Variants in NR5A2 observed in about 807,000 individuals in gnomAD.
NR5A2 encodes the protein CYP7A promoter-binding factor.
In NR5A2, 26 loss-of-function variants were observed where a neutral mutation model predicts 62.7. That is an observed-to-expected ratio of 0.41 (90% CI 0.30 to 0.58). NR5A2 has a LOEUF of 0.58. NR5A2 is among the 20% of genes least tolerant of loss of function. The pLI, the probability that NR5A2 is intolerant of heterozygous loss-of-function variation, is 0.22. For synonymous variants in NR5A2, 246 were observed against 241.7 expected (o/e 1.02, Z -0.16); for missense variants, 541 against 669.1 (o/e 0.81, Z 2.11).
chr1:200,099,412 G>C (rs921190914), intron 5 of NR5A2, among the ~76,000 whole-genome samples: 27 of 151,586 alleles, frequency 1.8e-4, no homozygotes, highest in African/African-American at 6.3e-4. Context: ...GACCTCAAGG[G>C]AGCCACGGAG....
intron 7 of NR5A2, among the ~76,000 whole-genome samples, chr1:200,122,393 A>G (rs1437441065): frequency 6.6e-6 from 1 of 152,230 alleles, no homozygotes; most frequent in South Asian, 2.1e-4. Flanking sequence ...GAAACTGTAT[A>G]GCATCTTAGT....
chr1:200,028,439 A>C (rs1194646710), intron 1 of NR5A2, among the ~76,000 whole-genome samples: 1 of 135,742 alleles, frequency 7.4e-6, no homozygotes, highest in East Asian at 1.9e-4. Context: ...AAAAAAAAAA[A>C]AAAACCAAAA....
intron 1 of NR5A2, among the ~76,000 whole-genome samples, chr1:200,028,659 T>A (rs761264060): frequency 3.3e-5 from 5 of 152,176 alleles, no homozygotes; most frequent in Non-Finnish European, 7.4e-5. Context: ...GATCTGTAAT[T>A]ATTTGTCTGT....
At chr1:200,108,774 CAGAG>C in intron 5 of NR5A2, among the ~76,000 whole-genome samples, 1 of 152,198 alleles carries the variant, frequency 6.6e-6, no homozygotes, top group Middle Eastern at 3.4e-3. Flanking sequence ...TAATAAAACC[CAGAG>C]AGAGCAAAGT....
At chr1:200,047,339 T>C (rs1379109854) in intron 4 of NR5A2, among the ~76,000 whole-genome samples, 2 of 152,220 alleles carry the variant, frequency 1.3e-5, no homozygotes, top group African/African-American at 4.8e-5. Flanking sequence ...GAACATGATT[T>C]TCCAAGAACA....
At chr1:200,082,853 G>A (rs2821314) in intron 5 of NR5A2, among the ~76,000 whole-genome samples, 76,038 of 151,598 alleles carry the variant, frequency 0.5, 19,109 homozygotes, top group African/African-American at 0.55. Context: ...ATATTTATTA[G>A]TGTTTTTAAC....
chr1:200,039,927 A>G lies in NR5A2; in HGVS notation c.202+132A>G, dbSNP rs1054154353. 23 of 970,944 alleles carry G rather than the reference A, an allele frequency of 2.4e-5. No homozygotes were observed. The highest frequency in any genetic ancestry group is 3.2e-5 in the Non-Finnish European group (22 of 694,004). 60.1% of individuals were successfully genotyped at this position (970,944 alleles called of 1,614,324 possible). A position where few individuals can be genotyped will look rare whatever the true frequency, so the allele number is the denominator to read the frequency against. On this transcript the variant is annotated intron_variant, in intron 2 of 7. Transcript: ENST00000367362. The surrounding 1 kb of genome is among the most constrained non-coding windows in gnomAD (Gnocchi z 5.1). ...TGGGCGCTCGCAGCCGCGGGAGTCA[A>G]GCCCCCTCCCCAGGTGCAGGCATAA...
At chr1:200,080,112 C>G (rs1411522226) in intron 5 of NR5A2, among the ~76,000 whole-genome samples, 1 of 152,118 alleles carries the variant, frequency 6.6e-6, no homozygotes, top group Non-Finnish European at 1.5e-5. Flanking sequence ...AGAAGGAGAA[C>G]AGACAGTTGG....
At chr1:200,135,377 C>T (rs898935038) in intron 7 of NR5A2, among the ~76,000 whole-genome samples, 5 of 151,988 alleles carry the variant, frequency 3.3e-5, no homozygotes, top group Admixed American at 6.6e-5. Flanking sequence ...AAAAATTAGC[C>T]GGGTGTGGTG....
chr1:200,103,320 T>G (rs1200370393), intron 5 of NR5A2, among the ~76,000 whole-genome samples: 2 of 152,064 alleles, frequency 1.3e-5, no homozygotes, highest in Non-Finnish European at 2.9e-5. Context: ...AGAGGGGATT[T>G]CACCATGTTG....
chr1:200,106,208 C>A (rs370008462), intron 5 of NR5A2, among the ~76,000 whole-genome samples: 1 of 152,188 alleles, frequency 6.6e-6, no homozygotes, highest in South Asian at 2.1e-4. Flanking sequence ...CAGGCACCCG[C>A]CACCATGCCC....
intron 7 of NR5A2, among the ~76,000 whole-genome samples, chr1:200,164,016 G>T (rs1476380074): frequency 6.6e-6 from 1 of 151,966 alleles, no homozygotes; most frequent in Non-Finnish European, 1.5e-5. Context: ...GCCTGGTGTT[G>T]TCTTGGTGAT....
intron 5 of NR5A2, among the ~76,000 whole-genome samples, chr1:200,100,641 T>C (rs781716581): frequency 2.0e-5 from 3 of 152,222 alleles, no homozygotes; most frequent in Non-Finnish European, 4.4e-5. Flanking sequence ...TGGCTCTTCT[T>C]AACATTGCCA....
chr1:200,164,241 TTTTC>T (rs1653789278), intron 7 of NR5A2, among the ~76,000 whole-genome samples: 2 of 152,166 alleles, frequency 1.3e-5, no homozygotes, highest in South Asian at 4.1e-4. Context: ...ATTAAACCTC[TTTTC>T]TTTATAAATT....
chr1:200,130,403 A>G (rs1666923144), intron 7 of NR5A2, among the ~76,000 whole-genome samples: 2 of 151,800 alleles, frequency 1.3e-5, no homozygotes, highest in African/African-American at 4.8e-5. Flanking sequence ...CGATTCATTC[A>G]CTGTAAGTCA....
In NR5A2 at chr1:200,043,082, G is replaced by A. The variant is rs1662193801; in HGVS notation, c.203-692G>A. On this transcript the variant is annotated intron_variant, in intron 2 of 7. Transcript: ENST00000367362. ...ACTCTTCTGGTATTTTTCCCCGTAC[G>A]GGCGTCCTCTATTTTCTTTTTCCTT... 5 of 811,832 alleles carry A rather than the reference G, an allele frequency of 6.2e-6. 1 individual carries two copies. Among genetic ancestry groups the A allele is most frequent in the South Asian group, 1.1e-4 (2 of 17,786 alleles). The allele number at this position is 811,832 out of a possible 1,614,324, so 50.3% of individuals were successfully genotyped here. A position where few individuals can be genotyped will look rare whatever the true frequency, so the allele number is the denominator to read the frequency against.
rs1662458231 is a variant in NR5A2 at position 200,048,107 on chromosome 1, A to T, written c.464-65A>T. Reference sequence around the variant, plus strand: ...TCGATTTACATTTCTAAATATCTGAAGAATGCTAATAATTTGCACCTTATT... The same window carrying T: ...TCGATTTACATTTCTAAATATCTGATGAATGCTAATAATTTGCACCTTATT... On this transcript the variant is annotated intron_variant, in intron 4 of 7. Transcript: ENST00000367362. The surrounding 1 kb of genome is among the most constrained non-coding windows in gnomAD (Gnocchi z 4.8). 2 of 1,389,016 alleles carry T rather than the reference A, an allele frequency of 1.4e-6. No individual in the cohort carries two copies. The highest frequency in any genetic ancestry group is 2.9e-5 in the African/African-American group (2 of 69,262). 86.0% of individuals were successfully genotyped at this position (1,389,016 alleles called of 1,614,324 possible).
chr1:200,131,093 C>G (rs1666952035), intron 7 of NR5A2, among the ~76,000 whole-genome samples: 1 of 152,202 alleles, frequency 6.6e-6, no homozygotes, highest in Non-Finnish European at 1.5e-5. Flanking sequence ...TTTATGTAAT[C>G]ATTTGAAATT....
rs1220653940 is a variant in NR5A2, at chr1:200,176,589, T to C, written c.*2379T>C. ...GCATGTGTAATGTGGATGGAGACAA[T>C]TATAAGATTTGACTATAACTATTTG... On this transcript the variant is annotated 3_prime_UTR_variant, in exon 8 of 8. Transcript: ENST00000367362. 1 of 152,204 alleles carries C rather than the reference T, an allele frequency of 6.6e-6. No individual in the cohort carries two copies. Among genetic ancestry groups the C allele is most frequent in the East Asian group, 1.9e-4 (1 of 5,194 alleles). The allele number at this position is 152,204 out of a possible 1,614,324, so 9.4% of individuals were successfully genotyped here.
Sources: allele counts gnomAD v4.1 joint callset (sites outside exome capture counted in the v4.1 genomes callset), GRCh38; gene constraint gnomAD v4.1.1; non-coding constraint Gnocchi (gnomAD v3.1); transcripts MANE v1.5; gene names NCBI Gene and HGNC (gene_info 2026-07-23, HGNC 2026-07-21).